The following AFF2 variants were observed in gnomAD, a reference collection of about 807,000 sequenced individuals.
AFF2 encodes the protein ALF transcription elongation factor 2.
AFF2 carries 14 observed loss-of-function variants against 76.9 expected under a neutral mutation model. That is an observed-to-expected ratio of 0.18 (90% confidence interval 0.12 to 0.28). AFF2 has a LOEUF of 0.28. Among genes scored for constraint, AFF2 ranks in the 10% least tolerant of loss-of-function variants. The pLI, the probability that AFF2 is intolerant of heterozygous loss-of-function variation, is 1.00. For synonymous variants in AFF2, 398 were observed against 366.7 expected (o/e 1.09, Z -0.98); for missense variants, 868 against 1,001.1 (o/e 0.87, Z 1.79).
At chrX:148,666,752 G>C (rs925115811) in intron 3 of AFF2, among the ~76,000 whole-genome samples, 8 of 111,371 alleles carry the variant, frequency 7.2e-5, no homozygotes, top group Non-Finnish European at 1.3e-4. Flanking sequence ...ACAGTAAAAG[G>C]CCTATTTATA....
chrX:148,813,746 T>C (rs2070231356), intron 4 of AFF2, among the ~76,000 whole-genome samples: 1 of 112,389 alleles, frequency 8.9e-6, no homozygotes, highest in Non-Finnish European at 1.9e-5. Context: ...GGCTCCAGTC[T>C]GCTTTATGAT....
At chrX:148,599,204 T>A (rs782699184) in intron 1 of AFF2, among the ~76,000 whole-genome samples, 1 of 112,817 alleles carries the variant, frequency 8.9e-6, no homozygotes, top group African/African-American at 3.2e-5. Context: ...ATGCATGCAT[T>A]GAAAATTGAG....
intron 9 of AFF2, among the ~76,000 whole-genome samples, chrX:148,911,099 ATG>A (rs1185702809): frequency 8.4e-5 from 9 of 107,266 alleles, no homozygotes; most frequent in East Asian, 2.9e-4. Flanking sequence ...ATATATGTGT[ATG>A]TGTGTGTGTG....
intron 1 of AFF2, among the ~76,000 whole-genome samples, chrX:148,621,188 C>T (rs996581756): frequency 9.0e-5 from 10 of 111,619 alleles, no homozygotes; most frequent in Admixed American, 1.9e-4. Context: ...TTTTATTGGA[C>T]GAGCTTGGGA....
intron 3 of AFF2, among the ~76,000 whole-genome samples, chrX:148,682,362 C>T (rs1029629348): frequency 8.9e-6 from 1 of 111,910 alleles, no homozygotes; most frequent in Non-Finnish European, 1.9e-5. Flanking sequence ...ATCTACAATC[C>T]TTTGAATGGA....
At chrX:148,761,524 G>A (rs1026597930) in intron 3 of AFF2, among the ~76,000 whole-genome samples, 24 of 99,914 alleles carry the variant, frequency 2.4e-4, no homozygotes, top group Admixed American at 2.0e-3. Context: ...GAAAACATTC[G>A]CAATCCAGTC....
chrX:148,854,795 C>T (rs2070768895), intron 7 of AFF2, among the ~76,000 whole-genome samples: 1 of 111,840 alleles, frequency 8.9e-6, no homozygotes, highest in Non-Finnish European at 1.9e-5. Context: ...TTTCCCAAGG[C>T]AAGCACATCA....
intron 3 of AFF2, among the ~76,000 whole-genome samples, chrX:148,685,369 C>G (rs1603276788): frequency 8.9e-6 from 1 of 112,364 alleles, no homozygotes; most frequent in East Asian, 2.8e-4. Context: ...AGTGAATTAT[C>G]CCTGCCCATA....
At chrX:148,936,475 G>A (rs1465121632) in intron 9 of AFF2, among the ~76,000 whole-genome samples, 1 of 112,252 alleles carries the variant, frequency 8.9e-6, no homozygotes, top group Non-Finnish European at 1.9e-5. Flanking sequence ...GCTTCACCAT[G>A]ACACTTCTCT....
In AFF2 at chrX:148,747,956, A is replaced by G. The variant is rs192170836; in HGVS notation, c.1042-61920A>G. Among the ~76,000 whole-genome samples the G allele has an allele frequency of 1.7e-4, 19 of 112,098 alleles. No individual in the cohort carries two copies. In the East Asian group the frequency reaches 3.4e-3, roughly 20 times the overall value. On this transcript the variant is annotated intron_variant, in intron 3 of 20. Transcript: ENST00000370460. ...CTATCAAACAGTGCAACAAAAAAAA[A>G]TCTGCTTAAGTTAGAAATGGGCTCA...
At chrX:148,831,423 TG>T (rs2070452466) in intron 4 of AFF2, among the ~76,000 whole-genome samples, 1 of 112,337 alleles carries the variant, frequency 8.9e-6, no homozygotes, top group Non-Finnish European at 1.9e-5. Context: ...AGTATTAATT[TG>T]GGGAACTAAT....
chrX:148,820,952 G>T lies in AFF2; in HGVS notation c.1086+11032G>T, dbSNP rs1283264465. Among the ~76,000 whole-genome samples the T allele has an allele frequency of 5.4e-5, 6 of 111,406 alleles. No homozygotes were observed. The East Asian group carries it at 1.7e-3, about 32-fold the overall frequency. Reference sequence around the variant, plus strand: ...AAAATTGAACTAGAAGAGGGAGCAGGCTGTGGCTGCCTGAGAGACTACCCT... The same window carrying T: ...AAAATTGAACTAGAAGAGGGAGCAGTCTGTGGCTGCCTGAGAGACTACCCT... On this transcript the variant is annotated intron_variant, in intron 4 of 20. Transcript: ENST00000370460.
At chrX:148,934,412 C>T (rs1274979231) in intron 9 of AFF2, among the ~76,000 whole-genome samples, 2 of 111,858 alleles carry the variant, frequency 1.8e-5, no homozygotes, top group Non-Finnish European at 3.8e-5. Context: ...AGGTCTTCTA[C>T]ACCCATATGA....
At chrX:148,521,567 T>G (rs2052600739) in intron 1 of AFF2, among the ~76,000 whole-genome samples, 1 of 111,670 alleles carries the variant, frequency 9.0e-6, no homozygotes, top group African/African-American at 3.3e-5. Context: ...AAGAAGGTAT[T>G]AGAAACAAAT....
intron 1 of AFF2, among the ~76,000 whole-genome samples, chrX:148,584,202 C>T (rs2053442831): frequency 1.8e-5 from 2 of 111,487 alleles, no homozygotes; most frequent in Non-Finnish European, 3.8e-5. Flanking sequence ...TACTCAACAT[C>T]AGTTTATAGA....
intron 3 of AFF2, among the ~76,000 whole-genome samples, chrX:148,768,339 G>C (rs782731068): frequency 7.2e-4 from 79 of 109,852 alleles, no homozygotes; most frequent in African/African-American, 2.6e-3. Context: ...GCTGGCCTGG[G>C]ACATGTGTCC....
intron 8 of AFF2, 103 bp from the exon 9 acceptor site, chrX:148,904,118 T>TA (rs781966114): frequency 2.8e-5 from 16 of 569,867 alleles, no homozygotes; most frequent in Non-Finnish European, 4.5e-5. Context: ...GTTAGCTCCT[T>TA]ATGTTTCTGA....
At position 148,955,713 on chromosome X, in the gene AFF2, T is replaced by C; in HGVS notation, c.1668T>C (p.Ile556=). The change falls in exon 11 of 21, where the codon ATT becomes ATC. Residue 556 remains isoleucine, a synonymous_variant. Coordinates refer to ENST00000370460, the MANE Select transcript of AFF2 (RefSeq NM_002025.4). ...AAAATGAAACACCCATGGAGACTAT[T>C]TCTCTGCCTCCTCCAATCATCCAAC... The part of the protein sequence containing the change: ...CGQNETPMET[I]SLPPPIIQPM... The C allele has an allele frequency of 8.3e-7, 1 of 1,211,583 alleles. No homozygotes were observed. The highest frequency in any genetic ancestry group is 1.1e-6 in the Non-Finnish European group (1 of 895,434).
intron 1 of AFF2, among the ~76,000 whole-genome samples, chrX:148,642,800 C>T (rs185784025): frequency 1.4e-3 from 158 of 112,286 alleles, no homozygotes; most frequent in African/African-American, 4.7e-3. Context: ...AAGACCTCAT[C>T]GATGACATCA....
Sources: allele counts gnomAD v4.1 joint callset (sites outside exome capture counted in the v4.1 genomes callset), GRCh38; gene constraint gnomAD v4.1.1; transcripts MANE v1.5; gene names NCBI Gene and HGNC (gene_info 2026-07-23, HGNC 2026-07-21).